Variants in GABPB1 observed in about 807,000 individuals in gnomAD.
GABPB1 encodes the protein GA-binding protein subunit beta-1.
GABPB1 carries 15 observed loss-of-function variants against 45.9 expected under a neutral mutation model. The ratio of observed to expected loss-of-function variants is 0.33; its 90% CI spans 0.22 to 0.50. The LOEUF is 0.50. GABPB1 is among the 20% of genes least tolerant of loss of function. GABPB1 has a pLI of 0.98. For missense variants in GABPB1, 252 were observed against 457.5 expected (o/e 0.55, Z 4.10); for synonymous variants, 143 against 154.4 (o/e 0.93, Z 0.55).
intron 1 of GABPB1, chr15:50,351,217 T>C (rs768546794): frequency 3.9e-5 from 6 of 152,206 alleles, no homozygotes; most frequent in Non-Finnish European, 8.8e-5. Flanking sequence ...CCAAATATAA[T>C]ATAACTAGTA....
chr15:50,289,714 GA>G (rs1291872227), intron 6 of GABPB1, 46 bp from the exon 7 acceptor site: 1 of 1,436,830 alleles, frequency 7.0e-7, no homozygotes, highest in Non-Finnish European at 9.4e-7. Context: ...GTAACGGTAT[GA>G]ATAGAAACCT....
chr15:50,353,020 A>C (rs1009756291), intron 1 of GABPB1: 1 of 152,214 alleles, frequency 6.6e-6, no homozygotes, highest in Admixed American at 6.5e-5. Context: ...TTTTCTGTAA[A>C]ATCTGTACCT....
chr15:50,330,146 C>T (rs2047901982), intron 1 of GABPB1, among the ~76,000 whole-genome samples: 1 of 152,064 alleles, frequency 6.6e-6, no homozygotes, highest in African/African-American at 2.4e-5. Context: ...TCAAGCAATC[C>T]TCCCACCTCA....
At chr15:50,343,178 C>T (rs2048444034) in intron 1 of GABPB1, among the ~76,000 whole-genome samples, 1 of 152,082 alleles carries the variant, frequency 6.6e-6, no homozygotes, top group Non-Finnish European at 1.5e-5. Context: ...GGATTACAGG[C>T]GTGAGCCACC....
chr15:50,334,395 GGTTTT>G (rs2141134313), intron 1 of GABPB1, among the ~76,000 whole-genome samples: 1 of 151,616 alleles, frequency 6.6e-6, no homozygotes, highest in Non-Finnish European at 1.5e-5. Flanking sequence ...CATTCTGGAT[GGTTTT>G]ATCTGATCTA....
At chr15:50,309,439 G>A (rs2047054632) in intron 2 of GABPB1, among the ~76,000 whole-genome samples, 1 of 152,000 alleles carries the variant, frequency 6.6e-6, no homozygotes, top group Non-Finnish European at 1.5e-5. Flanking sequence ...TTATATTCAT[G>A]CCACATTAAT....
chr15:50,339,177 G>A (rs527535513), intron 1 of GABPB1, among the ~76,000 whole-genome samples: 43 of 152,268 alleles, frequency 2.8e-4, no homozygotes, highest in African/African-American at 1.0e-3. Context: ...AACTAGCCAG[G>A]CATGGTGGTG....
At chr15:50,345,676 AT>A (rs1428402053) in intron 1 of GABPB1, among the ~76,000 whole-genome samples, 2 of 151,878 alleles carry the variant, frequency 1.3e-5, no homozygotes, top group East Asian at 1.9e-4. Flanking sequence ...ATCAAAATTG[AT>A]TTTTTTTCCT....
intron 1 of GABPB1, among the ~76,000 whole-genome samples, chr15:50,333,010 T>C (rs983507490): frequency 1.3e-5 from 2 of 152,164 alleles, no homozygotes; most frequent in Non-Finnish European, 2.9e-5. Flanking sequence ...TCCAATATGG[T>C]GCATGTGGAT....
chr15:50,326,205 T>C (rs1438652802), intron 1 of GABPB1, among the ~76,000 whole-genome samples: 3 of 151,930 alleles, frequency 2.0e-5, no homozygotes, highest in Non-Finnish European at 4.4e-5. Flanking sequence ...CCTAGCCAAG[T>C]GGATTCTTTT....
At chr15:50,319,332 TATATA>T (rs1449790796) in intron 1 of GABPB1, among the ~76,000 whole-genome samples, 2 of 152,200 alleles carry the variant, frequency 1.3e-5, no homozygotes, top group South Asian at 4.1e-4. Flanking sequence ...TTGTTACACG[TATATA>T]TTGCATCGTG....
At chr15:50,335,186 C>G (rs2048077057) in intron 1 of GABPB1, among the ~76,000 whole-genome samples, 1 of 152,154 alleles carries the variant, frequency 6.6e-6, no homozygotes, top group South Asian at 2.1e-4. Flanking sequence ...TCCTCCTGCT[C>G]TGCTCAGTAC....
intron 1 of GABPB1, chr15:50,352,300 A>G (rs188415387): frequency 2.0e-5 from 3 of 151,758 alleles, no homozygotes; most frequent in South Asian, 4.2e-4. Context: ...CAATGACACA[A>G]TGTTATGGGA....
intron 1 of GABPB1, among the ~76,000 whole-genome samples, chr15:50,342,326 T>C (rs991858614): frequency 5.2e-5 from 5 of 96,562 alleles, no homozygotes; most frequent in African/African-American, 1.8e-4. Context: ...ATTGATCTCT[T>C]TTTTTTTTTT....
chr15:50,283,639 T>G (rs2046064933), intron 8 of GABPB1, among the ~76,000 whole-genome samples: 1 of 152,072 alleles, frequency 6.6e-6, no homozygotes, highest in Admixed American at 6.6e-5. Context: ...ACCTCCTGAG[T>G]AGCTGTGACT....
intron 1 of GABPB1, among the ~76,000 whole-genome samples, chr15:50,317,787 C>T (rs573128636): frequency 2.6e-5 from 4 of 151,696 alleles, no homozygotes; most frequent in South Asian, 2.1e-4. Flanking sequence ...TGGGTGCCTG[C>T]AGTCCCAGCT....
intron 1 of GABPB1, among the ~76,000 whole-genome samples, chr15:50,335,254 C>T (rs1460364449): frequency 1.3e-5 from 2 of 152,076 alleles, no homozygotes; most frequent in South Asian, 2.1e-4. Context: ...TGATGAAAAG[C>T]GGTTAGTTCT....
intron 1 of GABPB1, chr15:50,352,827 T>C (rs1455374738): frequency 1.3e-5 from 2 of 152,246 alleles, no homozygotes; most frequent in Non-Finnish European, 2.9e-5. Flanking sequence ...CTTAGCTTCC[T>C]TTCAAAGCCA....
rs926235933 is a variant in GABPB1, at chr15:50,283,519, GTTT to G, written c.999+2546_999+2548del. Among the ~76,000 whole-genome samples, 57 of 124,944 alleles carry G rather than the reference GTTT, an allele frequency of 4.6e-4. 1 individual carries two copies. In the South Asian group the frequency reaches 0.012, roughly 27 times the overall value. 82.0% of individuals were successfully genotyped at this position (124,944 alleles called of 152,430 possible). Reference sequence around the variant, plus strand: ...AAACATAAATTTTTAGCACCTTATTGTTTTTTTTTTTTCTTTTGTCTCACTCTG... The same window carrying G: ...AAACATAAATTTTTAGCACCTTATTGTTTTTTTTTCTTTTGTCTCACTCTG... On this transcript the variant is annotated intron_variant, in intron 8 of 8. Transcript: ENST00000380877.
Sources: gnomAD v4.1 joint callset for allele counts (sites outside exome capture counted in the v4.1 genomes callset) on GRCh38, gnomAD v4.1.1 for gene constraint, MANE v1.5 for transcripts, NCBI Gene and HGNC (gene_info 2026-07-23, HGNC 2026-07-21) for gene names.